PDLIM5: variants seen among roughly 807,000 people sequenced by gnomAD.
PDLIM5 encodes PDZ and LIM domain protein 5.
A neutral mutation model predicts 64.2 loss-of-function variants in PDLIM5; 34 were observed. The observed-to-expected ratio is 0.53, with a 90% CI of 0.40 to 0.71. PDLIM5 has a LOEUF of 0.71. PDLIM5 is among the 30% of genes least tolerant of loss of function. The probability of loss-of-function intolerance (pLI) is 0.00; values close to 1 mark genes in which losing one functional copy is unlikely to be tolerated. For missense variants in PDLIM5, 683 were observed against 733.6 expected (o/e 0.93, Z 0.80); for synonymous variants, 253 against 269.1 (o/e 0.94, Z 0.59).
intron 2 of PDLIM5, among the ~76,000 whole-genome samples, chr4:94,460,570 G>A (rs1329558315): frequency 6.7e-6 from 1 of 149,438 alleles, no homozygotes; most frequent in Non-Finnish European, 1.5e-5. Context: ...ACAGTGGGCT[G>A]TAGTCATGCC....
intron 9 of PDLIM5, among the ~76,000 whole-genome samples, chr4:94,649,371 A>C (rs1483821425): frequency 6.6e-6 from 1 of 152,014 alleles, no homozygotes; most frequent in African/African-American, 2.4e-5. Flanking sequence ...TTCTACCCAC[A>C]CTCATGGAGA....
intron 11 of PDLIM5, among the ~76,000 whole-genome samples, chr4:94,657,903 G>A (rs573146027): frequency 3.3e-5 from 5 of 152,130 alleles, no homozygotes; most frequent in East Asian, 3.9e-4. Context: ...ACAGGGTTTC[G>A]TCATGTTGGC....
At chr4:94,454,979 A>G (rs1723199054) in intron 1 of PDLIM5, among the ~76,000 whole-genome samples, 1 of 152,244 alleles carries the variant, frequency 6.6e-6, no homozygotes, top group African/African-American at 2.4e-5. Context: ...GCAAGAAGCC[A>G]CAAAATTGGA....
intron 7 of PDLIM5, among the ~76,000 whole-genome samples, chr4:94,613,986 C>T (rs536602493): frequency 8.8e-5 from 10 of 113,322 alleles, no homozygotes; most frequent in East Asian, 7.4e-4. Context: ...TTTTTTGAGA[C>T]GGAGTCTTGC....
intron 2 of PDLIM5, among the ~76,000 whole-genome samples, chr4:94,519,312 T>C (rs954237103): frequency 6.6e-6 from 1 of 152,188 alleles, no homozygotes; most frequent in Non-Finnish European, 1.5e-5. Flanking sequence ...AACAATAATA[T>C]TGAGCATTTC....
At chr4:94,455,451 T>G in intron 2 of PDLIM5, 67 bp downstream of exon 2, 1 of 991,620 alleles carries the variant, frequency 1.0e-6, no homozygotes, top group Non-Finnish European at 1.6e-6. Flanking sequence ...CTGAGTTGTT[T>G]AATTCTCTGT....
At chr4:94,599,862 C>T (rs1737353702) in intron 7 of PDLIM5, among the ~76,000 whole-genome samples, 1 of 152,088 alleles carries the variant, frequency 6.6e-6, no homozygotes, top group Non-Finnish European at 1.5e-5. Context: ...ACACTTGCTC[C>T]ATCTCCAGGT....
At chr4:94,491,535 C>A (rs1305220419) in intron 2 of PDLIM5, among the ~76,000 whole-genome samples, 1 of 151,892 alleles carries the variant, frequency 6.6e-6, no homozygotes, top group African/African-American at 2.4e-5. Context: ...TTCTTTCATG[C>A]CTTTCGAGAT....
chr4:94,600,745 A>G (rs577007410), intron 7 of PDLIM5, among the ~76,000 whole-genome samples: 19 of 152,304 alleles, frequency 1.2e-4, no homozygotes, highest in African/African-American at 4.1e-4. Flanking sequence ...CCCTGCAGTT[A>G]CTGAGGGAGT....
At chr4:94,582,144 T>C (rs1712999364) in intron 5 of PDLIM5, among the ~76,000 whole-genome samples, 1 of 152,206 alleles carries the variant, frequency 6.6e-6, no homozygotes, top group Admixed American at 6.6e-5. Flanking sequence ...ATTATTCTTT[T>C]ATAACATATG....
At chr4:94,514,326 G>T (rs1729176387) in intron 2 of PDLIM5, among the ~76,000 whole-genome samples, 1 of 151,792 alleles carries the variant, frequency 6.6e-6, no homozygotes, top group Non-Finnish European at 1.5e-5. Flanking sequence ...AGTAGAGGCG[G>T]GGTTTCACCA....
intron 2 of PDLIM5, among the ~76,000 whole-genome samples, chr4:94,470,659 A>C (rs1055681928): frequency 2.6e-5 from 4 of 152,296 alleles, no homozygotes; most frequent in Non-Finnish European, 5.9e-5. Flanking sequence ...ACTTGATTAG[A>C]GTTAATGTCT....
Position 94,582,669 on chromosome 4 carries a change from T to A in PDLIM5, c.711-2896T>A, listed in dbSNP as rs953161382. On this transcript the variant is annotated intron_variant, in intron 5 of 12. Coordinates refer to ENST00000317968, the MANE Select transcript of PDLIM5 (RefSeq NM_006457.5). The stretch of plus-strand genomic sequence containing the variant: ...TCATCTTCCGGGGAACATCAATGTC[T>A]TCTCTACTCTATCGCATCTTTTTTT... The A allele has an allele frequency of 5.8e-6, 8 of 1,374,746 alleles. No individual in the cohort carries two copies. The Middle Eastern group carries it at 8.9e-4, about 153-fold the overall frequency. 85.2% of individuals were successfully genotyped at this position (1,374,746 alleles called of 1,614,324 possible). A position where few individuals can be genotyped will look rare whatever the true frequency, so the allele number is the denominator to read the frequency against.
intron 2 of PDLIM5, among the ~76,000 whole-genome samples, chr4:94,522,959 G>A (rs1427026399): frequency 2.0e-5 from 3 of 151,964 alleles, no homozygotes; most frequent in African/African-American, 7.3e-5. Flanking sequence ...AAAGTTCACT[G>A]TCACTTAGTA....
At chr4:94,457,225 T>G in intron 2 of PDLIM5, 1 of 905,936 alleles carries the variant, frequency 1.1e-6, no homozygotes, top group South Asian at 5.1e-5. Flanking sequence ...GCTGTGGATT[T>G]TTTTAAAGTT....
chr4:94,492,911 A>G (rs1199787613), intron 2 of PDLIM5, among the ~76,000 whole-genome samples: 1 of 152,266 alleles, frequency 6.6e-6, no homozygotes, highest in East Asian at 1.9e-4. Flanking sequence ...AGTGGGTCAT[A>G]TGGTAATTCT....
In PDLIM5 at chr4:94,494,432, G is replaced by GGTTTTTTTTTTTTTTTTTTTTT. The variant is rs1553940971; in HGVS notation, c.97-29292_97-29291insGTTTTTTTTTTTTTTTTTTTTT. On this transcript the variant is annotated intron_variant, in intron 2 of 12. Coordinates refer to ENST00000317968, the MANE Select transcript of PDLIM5 (RefSeq NM_006457.5). ...AGCATTCACTAATTTTTTTTTTCTT[G>GGTTTTTTTTTTTTTTTTTTTTT]TTTTTTTTTTTTTTTTTTTTTTTTG... 1.2e-3 allele frequency among the ~76,000 whole-genome samples: 83 copies of GGTTTTTTTTTTTTTTTTTTTTT among 70,764 alleles called. 17 individuals carry two copies. The highest frequency in any genetic ancestry group is 0.012 in the Middle Eastern group (1 of 82). 46.4% of individuals were successfully genotyped at this position (70,764 alleles called of 152,430 possible).
intron 2 of PDLIM5, among the ~76,000 whole-genome samples, chr4:94,513,226 T>C (rs1729056487): frequency 1.3e-5 from 2 of 152,226 alleles, no homozygotes; most frequent in Non-Finnish European, 2.9e-5. Flanking sequence ...TCTTTTATGT[T>C]TCCACGTAAA....
chr4:94,525,426 C>A (rs1324266163), intron 3 of PDLIM5, among the ~76,000 whole-genome samples: 3 of 146,474 alleles, frequency 2.0e-5, no homozygotes, highest in South Asian at 4.2e-4. Flanking sequence ...GCCCCACCCC[C>A]CAAAAAAATA....
Sources: gnomAD v4.1 joint callset for allele counts (sites outside exome capture counted in the v4.1 genomes callset) on GRCh38, gnomAD v4.1.1 for gene constraint, MANE v1.5 for transcripts, NCBI Gene and HGNC (gene_info 2026-07-23, HGNC 2026-07-21) for gene names.